The following PLCB1 variants were observed in gnomAD, a reference collection of about 807,000 sequenced individuals.
PLCB1 encodes the protein phospholipase C beta 1.
A neutral mutation model predicts 161.8 loss-of-function variants in PLCB1; 46 were observed. The observed-to-expected ratio is 0.28, with a 90% confidence interval of 0.22 to 0.36. The LOEUF is 0.36. Among genes scored for constraint, PLCB1 ranks in the 10% least tolerant of loss-of-function variants. The pLI, the probability that PLCB1 is intolerant of heterozygous loss-of-function variation, is 1.00. For synonymous variants in PLCB1, 517 were observed against 503.7 expected, an observed-to-expected ratio of 1.03 and a Z score of -0.35; for missense variants, 1,016 against 1,472.5, an observed-to-expected ratio of 0.69 and a Z score of 5.07.
chr20:8,781,936 C>G (rs6056109), intron 27 of PLCB1, among the ~76,000 whole-genome samples: 1 of 152,234 alleles, frequency 6.6e-6, no homozygotes, highest in African/African-American at 2.4e-5. Flanking sequence ...GGGAGCTACA[C>G]GATGAGATTT....
At chr20:8,732,810 A>G (rs1980338733) in intron 18 of PLCB1, among the ~76,000 whole-genome samples, 1 of 144,370 alleles carries the variant, frequency 6.9e-6, no homozygotes, top group Non-Finnish European at 1.5e-5. Flanking sequence ...TATATGTTAG[A>G]TATTAGATAT....
At chr20:8,441,491 C>G (rs1324142632) in intron 3 of PLCB1, among the ~76,000 whole-genome samples, 3 of 152,176 alleles carry the variant, frequency 2.0e-5, no homozygotes, top group Non-Finnish European at 4.4e-5. Context: ...AGTAAGAAAT[C>G]TGATCGTTGT....
chr20:8,824,285 A>C (rs925260809), intron 31 of PLCB1, among the ~76,000 whole-genome samples: 1 of 152,078 alleles, frequency 6.6e-6, no homozygotes, highest in Admixed American at 6.6e-5. Context: ...TGGAAAGGGG[A>C]CATTGGGAAA....
intron 3 of PLCB1, among the ~76,000 whole-genome samples, chr20:8,410,611 C>T (rs1463953533): frequency 1.3e-5 from 2 of 152,050 alleles, no homozygotes; most frequent in African/African-American, 4.8e-5. Flanking sequence ...TACTCATAGG[C>T]CCATGCAACC....
rs75269349 is a variant in PLCB1, at chr20:8,705,253, A to C, written c.1168-3417A>C. On this transcript the variant is annotated intron_variant, in intron 11 of 31. Coordinates refer to ENST00000338037, the MANE Select transcript of PLCB1 (RefSeq NM_015192.4). ...AAACTATATGGCCAGCAAAGCCTAA[A>C]ATGCTACCTGGTCCTTTATGAAAAA... Among the ~76,000 whole-genome samples the C allele has an allele frequency of 2.8e-3, 423 of 152,282 alleles. 5 individuals are homozygous for C. Among genetic ancestry groups the C allele is most frequent in the Admixed American group, 0.024 (360 of 15,288 alleles).
At chr20:8,795,483 G>C (rs902484215) in intron 31 of PLCB1, among the ~76,000 whole-genome samples, 1 of 152,214 alleles carries the variant, frequency 6.6e-6, no homozygotes, top group Non-Finnish European at 1.5e-5. Context: ...AGAAACATTC[G>C]ACTGCATGTT....
At chr20:8,620,272 C>G (rs531534913) in intron 3 of PLCB1, among the ~76,000 whole-genome samples, 88 of 152,182 alleles carry the variant, frequency 5.8e-4, no homozygotes, top group African/African-American at 2.0e-3. Context: ...TTATGTGCGG[C>G]TCTCAGCCCT....
intron 3 of PLCB1, among the ~76,000 whole-genome samples, chr20:8,472,749 T>G (rs763455566): frequency 1.3e-4 from 20 of 151,900 alleles, no homozygotes; most frequent in African/African-American, 3.1e-4. Context: ...AATTGAAGAG[T>G]AGCCAATTAG....
At chr20:8,726,593 A>G (rs1210932517) in intron 16 of PLCB1, among the ~76,000 whole-genome samples, 2 of 152,074 alleles carry the variant, frequency 1.3e-5, no homozygotes, top group South Asian at 2.1e-4. Context: ...TTATAAAACC[A>G]TCAGCTCTCA....
chr20:8,687,115 T>C (rs1990378550), intron 10 of PLCB1, among the ~76,000 whole-genome samples: 1 of 151,780 alleles, frequency 6.6e-6, no homozygotes, highest in Non-Finnish European at 1.5e-5. Flanking sequence ...AGTCCCGATC[T>C]CCTGGGCTCA....
At chr20:8,723,374 A>G (rs1979752871) in intron 15 of PLCB1, among the ~76,000 whole-genome samples, 1 of 152,182 alleles carries the variant, frequency 6.6e-6, no homozygotes, top group African/African-American at 2.4e-5. Context: ...AATGTTTCCC[A>G]GTTAACATTT....
chr20:8,640,097 G>A (rs995984499), intron 4 of PLCB1, among the ~76,000 whole-genome samples: 1 of 152,158 alleles, frequency 6.6e-6, no homozygotes, highest in Non-Finnish European at 1.5e-5. Flanking sequence ...TTAAAATAAA[G>A]TTGGAAGGTA....
intron 14 of PLCB1, among the ~76,000 whole-genome samples, chr20:8,721,229 A>G (rs1322138526): frequency 6.6e-6 from 1 of 152,230 alleles, no homozygotes; most frequent in Non-Finnish European, 1.5e-5. Flanking sequence ...TAAATCGAGT[A>G]GGGCAGCTAA....
chr20:8,227,458 A>G (rs996572174), intron 2 of PLCB1, among the ~76,000 whole-genome samples: 15 of 152,126 alleles, frequency 9.9e-5, no homozygotes, highest in East Asian at 1.9e-4. Flanking sequence ...AACACATAGC[A>G]TACTGCTGAC....
chr20:8,757,300 G>C, intron 24 of PLCB1, 122 bp downstream of exon 24: 1 of 1,001,600 alleles, frequency 1.0e-6, no homozygotes, highest in Non-Finnish European at 1.4e-6. Flanking sequence ...TGTGGACTTA[G>C]GAGGAGCTCC....
chr20:8,206,066 C>T (rs1965085038), intron 2 of PLCB1, among the ~76,000 whole-genome samples: 1 of 152,074 alleles, frequency 6.6e-6, no homozygotes, highest in Non-Finnish European at 1.5e-5. Context: ...TAAGGTTAAA[C>T]AAGTTCAAGA....
intron 2 of PLCB1, among the ~76,000 whole-genome samples, chr20:8,317,814 TTA>T (rs1984728142): frequency 6.6e-6 from 1 of 152,098 alleles, no homozygotes; most frequent in Non-Finnish European, 1.5e-5. Flanking sequence ...AAGAAAAGAG[TTA>T]GTGTTGACCT....
chr20:8,280,534 C>CATTTT (rs1982826577), intron 2 of PLCB1, among the ~76,000 whole-genome samples: 1 of 151,986 alleles, frequency 6.6e-6, no homozygotes, highest in Admixed American at 6.6e-5. Context: ...TGACCTGGAT[C>CATTTT]AAATGACTGC....
At chr20:8,173,834 A>C (rs1159237455) in intron 2 of PLCB1, among the ~76,000 whole-genome samples, 2 of 152,248 alleles carry the variant, frequency 1.3e-5, no homozygotes, top group African/African-American at 4.8e-5. Flanking sequence ...AAAACTGAAA[A>C]ATACAATGGC....
Sources: allele counts gnomAD v4.1 joint callset (sites outside exome capture counted in the v4.1 genomes callset), GRCh38; gene constraint gnomAD v4.1.1; transcripts MANE v1.5; gene names NCBI Gene and HGNC (gene_info 2026-07-23, HGNC 2026-07-21).